The following PKNOX2 variants were observed in gnomAD, a reference collection of about 807,000 sequenced individuals.
PKNOX2 encodes homeobox protein PKNOX2.
A neutral mutation model predicts 53.1 loss-of-function variants in PKNOX2; 14 were observed. The ratio of observed to expected loss-of-function variants is 0.26; its 90% CI spans 0.17 to 0.41. PKNOX2 has a LOEUF of 0.41. Among genes scored for constraint, PKNOX2 ranks in the 10% least tolerant of loss-of-function variants. PKNOX2 has a pLI of 1.00. For missense variants in PKNOX2, 496 were observed against 602.8 expected (o/e 0.82, Z 1.85); for synonymous variants, 257 against 242.8 (o/e 1.06, Z -0.54).
At chr11:125,251,598 T>A (rs10750296) in intron 2 of PKNOX2, among the ~76,000 whole-genome samples, 73,047 of 135,692 alleles carry the variant, frequency 0.54, 17,184 homozygotes, top group East Asian at 0.72. Context: ...CTCTGTTCTC[T>A]GGGAGCTGAG....
intron 8 of PKNOX2, 45 bp downstream of exon 8, chr11:125,410,370 A>G (rs1474369450): frequency 2.5e-6 from 4 of 1,610,424 alleles, no homozygotes; most frequent in Non-Finnish European, 3.4e-6. Flanking sequence ...ATTCCCTGGG[A>G]GGAGAAAGGG....
At chr11:125,349,876 C>CACAG (rs1217675574) in intron 3 of PKNOX2, among the ~76,000 whole-genome samples, 1 of 151,072 alleles carries the variant, frequency 6.6e-6, no homozygotes, top group Admixed American at 6.6e-5. Flanking sequence ...CACACACACA[C>CACAG]AGCCCTGGAG....
intron 2 of PKNOX2, among the ~76,000 whole-genome samples, chr11:125,319,796 A>G (rs1017407673): frequency 7.2e-5 from 11 of 152,252 alleles, no homozygotes; most frequent in Admixed American, 1.3e-4. Context: ...AGCACCTTCC[A>G]GGAACATGGG....
Position 125,189,443 on chromosome 11 carries a change from GTGTGTATATATATATA to G in PKNOX2, c.-201+24669_-201+24684del, listed in dbSNP as rs1176342111. On this transcript the variant is annotated intron_variant, in intron 1 of 12. Transcript: ENST00000298282. ...TGTGTGTGTGTGTGTGTGTGTGTGT[GTGTGTATATATATATA>G]TATATATATATATATATATATATAT... 5.2e-3 allele frequency among the ~76,000 whole-genome samples: 297 copies of G among 56,644 alleles called. 5 individuals carry two copies. Among genetic ancestry groups the G allele is most frequent in the Admixed American group, 0.044 (230 of 5,264 alleles). The allele number at this position is 56,644 out of a possible 152,430, so 37.2% of individuals were successfully genotyped here. A position where few individuals can be genotyped will look rare whatever the true frequency, so the allele number is the denominator to read the frequency against.
chr11:125,296,421 G>A (rs12099163), intron 2 of PKNOX2, among the ~76,000 whole-genome samples: 7,597 of 152,014 alleles, frequency 0.05, 633 homozygotes, highest in African/African-American at 0.17. Context: ...ACATGATCCC[G>A]CCTGGGACAC....
chr11:125,284,083 G>T (rs1339799836), intron 2 of PKNOX2, among the ~76,000 whole-genome samples: 1 of 152,228 alleles, frequency 6.6e-6, no homozygotes, highest in Admixed American at 6.5e-5. Context: ...TCCATCGGTA[G>T]ATGGAAATAG....
At chr11:125,348,969 T>G (rs528693022) in intron 3 of PKNOX2, among the ~76,000 whole-genome samples, 1 of 152,220 alleles carries the variant, frequency 6.6e-6, no homozygotes, top group African/African-American at 2.4e-5. Context: ...TACAGTGCTA[T>G]GGCCCTTCAC....
At chr11:125,291,393 G>A (rs1274368051) in intron 2 of PKNOX2, among the ~76,000 whole-genome samples, 3 of 152,098 alleles carry the variant, frequency 2.0e-5, no homozygotes, top group Non-Finnish European at 2.9e-5. Context: ...AGGCAGGCTC[G>A]AGTGTGCTAT....
At chr11:125,337,508 C>T (rs571821689) in intron 3 of PKNOX2, among the ~76,000 whole-genome samples, 1 of 152,338 alleles carries the variant, frequency 6.6e-6, no homozygotes, top group East Asian at 1.9e-4. Context: ...GACATGGCTG[C>T]ACCATCTCCT....
chr11:125,328,665 C>T (rs975549624), intron 2 of PKNOX2, among the ~76,000 whole-genome samples: 20 of 152,160 alleles, frequency 1.3e-4, no homozygotes, highest in African/African-American at 3.9e-4. Flanking sequence ...CCTCTCCTTC[C>T]GGGAGTGCAA....
chr11:125,271,124 C>A (rs142125255), intron 2 of PKNOX2, among the ~76,000 whole-genome samples: 1 of 152,094 alleles, frequency 6.6e-6, no homozygotes, highest in Non-Finnish European at 1.5e-5. Flanking sequence ...TTTCACAGTT[C>A]CCTGCCCCAC....
Position 125,260,025 on chromosome 11 carries a change from C to A in PKNOX2, c.-130+24910C>A, listed in dbSNP as rs1944721552. On this transcript the variant is annotated intron_variant, in intron 2 of 12. Coordinates refer to ENST00000298282, the MANE Select transcript of PKNOX2 (RefSeq NM_001382323.2). ...CCCAACAAGGACTACAAACACATCACCATGCCCAGCTATTTTTTGCTTGTT... is the reference window on the plus strand; with the variant it reads ...CCCAACAAGGACTACAAACACATCAACATGCCCAGCTATTTTTTGCTTGTT... 2.0e-5 allele frequency among the ~76,000 whole-genome samples: 3 copies of A among 151,962 alleles called. No individual in the cohort carries two copies. In the South Asian group the frequency reaches 6.3e-4, roughly 32 times the overall value.
chr11:125,422,198 C>A lies in PKNOX2; in HGVS notation c.937-6814C>A, dbSNP rs952740334. Among the ~76,000 whole-genome samples, 5 of 152,142 alleles carry A rather than the reference C, an allele frequency of 3.3e-5. No homozygotes were observed. The highest frequency in any genetic ancestry group is 1.2e-4 in the African/African-American group (5 of 41,428). ...TCAAACCCTCTTCACCCCTTATTCT[C>A]ACTCTTGAAACCTGGGAACACTGTG... On this transcript the variant is annotated intron_variant, in intron 10 of 12. Coordinates refer to ENST00000298282, the MANE Select transcript of PKNOX2 (RefSeq NM_001382323.2). This position sits in a 1 kb window ranked among gnomAD's most constrained non-coding sequence, Gnocchi z 4.1.
chr11:125,427,566 A>G (rs1956492567), intron 10 of PKNOX2, among the ~76,000 whole-genome samples: 3 of 152,234 alleles, frequency 2.0e-5, no homozygotes, highest in South Asian at 2.1e-4. Flanking sequence ...TTTTACAAGT[A>G]TAATTTCATT....
At chr11:125,382,957 C>G (rs1472163218) in intron 5 of PKNOX2, among the ~76,000 whole-genome samples, 1 of 152,122 alleles carries the variant, frequency 6.6e-6, no homozygotes, top group Non-Finnish European at 1.5e-5. Flanking sequence ...AGACTGCACA[C>G]CGAGTCTGCA....
chr11:125,369,968 C>G (rs1952437537), intron 5 of PKNOX2, among the ~76,000 whole-genome samples: 1 of 152,112 alleles, frequency 6.6e-6, no homozygotes, highest in Non-Finnish European at 1.5e-5. Context: ...CTCACTCAGG[C>G]CTAAGGACTC....
intron 4 of PKNOX2, among the ~76,000 whole-genome samples, chr11:125,355,277 G>GAA (rs61437536): frequency 9.2e-6 from 1 of 109,196 alleles, no homozygotes; most frequent in African/African-American, 3.3e-5. Context: ...AAAAAAAAAA[G>GAA]AAAAAAAAAA....
chr11:125,427,844 A>G (rs1398659586), intron 10 of PKNOX2, among the ~76,000 whole-genome samples: 1 of 152,104 alleles, frequency 6.6e-6, no homozygotes, highest in East Asian at 1.9e-4. Context: ...CCTTAATTGC[A>G]TGCTGGGTGC....
chr11:125,227,321 C>T (rs936594746), intron 1 of PKNOX2, among the ~76,000 whole-genome samples: 4 of 152,148 alleles, frequency 2.6e-5, no homozygotes, highest in African/African-American at 7.2e-5. Flanking sequence ...ATCCACAGAA[C>T]GCCTTTCCTC....
Sources: allele counts gnomAD v4.1 joint callset (sites outside exome capture counted in the v4.1 genomes callset), GRCh38; gene constraint gnomAD v4.1.1; non-coding constraint Gnocchi (gnomAD v3.1); transcripts MANE v1.5; gene names NCBI Gene and HGNC (gene_info 2026-07-23, HGNC 2026-07-21).